The following KCNQ5 variants were observed in gnomAD, a reference collection of about 807,000 sequenced individuals.
KCNQ5 encodes the protein potassium voltage-gated channel subfamily KQT member 5.
KCNQ5 carries 30 observed loss-of-function variants against 98.2 expected under a neutral mutation model. That is an observed-to-expected ratio of 0.31 (90% CI 0.23 to 0.41). The LOEUF is 0.41. Ranked by LOEUF, KCNQ5 falls within the 10% of genes least tolerant of loss-of-function variation. KCNQ5 has a pLI of 1.00. For missense variants in KCNQ5, 835 were observed against 1,182.5 expected (o/e 0.71, Z 4.31); for synonymous variants, 458 against 449.4 (o/e 1.02, Z -0.24).
At chr6:73,032,340 G>A (rs1771188606) in intron 2 of KCNQ5, among the ~76,000 whole-genome samples, 1 of 152,050 alleles carries the variant, frequency 6.6e-6, no homozygotes, top group African/African-American at 2.4e-5. Context: ...GCCAATTTTT[G>A]TATTTTTAGT....
chr6:73,130,997 G>A (rs977928039), intron 9 of KCNQ5, among the ~76,000 whole-genome samples: 4 of 152,098 alleles, frequency 2.6e-5, no homozygotes, highest in African/African-American at 9.7e-5. Context: ...CCATGTAGTT[G>A]AGAAGGACAA....
intron 6 of KCNQ5, among the ~76,000 whole-genome samples, chr6:73,108,953 G>A (rs1775115914): frequency 6.6e-6 from 1 of 152,184 alleles, no homozygotes; most frequent in Non-Finnish European, 1.5e-5. Flanking sequence ...ATTTATTGGT[G>A]TCAGTATTTG....
At chr6:73,129,942 T>A in intron 9 of KCNQ5, 3 of 960,358 alleles carry the variant, frequency 3.1e-6, no homozygotes, top group Non-Finnish European at 1.6e-6. Flanking sequence ...ACCTGAGCCC[T>A]GTTCAGAGAC....
intron 1 of KCNQ5, among the ~76,000 whole-genome samples, chr6:72,692,785 G>A (rs1768277286): frequency 6.6e-6 from 1 of 152,130 alleles, no homozygotes; most frequent in African/African-American, 2.4e-5. Context: ...ATGTAGCAAA[G>A]AGACAAAGTA....
chr6:73,124,293 G>T (rs1013220463), intron 8 of KCNQ5, among the ~76,000 whole-genome samples, 193 bp from the exon 9 acceptor site: 1 of 152,114 alleles, frequency 6.6e-6, no homozygotes, highest in Non-Finnish European at 1.5e-5. Context: ...TGCTATCTCT[G>T]GTCTGTATCA....
At chr6:73,008,644 A>C (rs1220448024) in intron 2 of KCNQ5, among the ~76,000 whole-genome samples, 1 of 152,190 alleles carries the variant, frequency 6.6e-6, no homozygotes, top group Non-Finnish European at 1.5e-5. Flanking sequence ...GGAGAAATGG[A>C]TAGTTCTACA....
At chr6:73,096,574 T>C (rs931291511) in intron 5 of KCNQ5, among the ~76,000 whole-genome samples, 3 of 152,196 alleles carry the variant, frequency 2.0e-5, no homozygotes, top group African/African-American at 7.2e-5. Context: ...GGCCTAGCTT[T>C]AGCATATCTA....
chr6:72,893,299 A>G (rs1779125333), intron 1 of KCNQ5, among the ~76,000 whole-genome samples: 1 of 152,056 alleles, frequency 6.6e-6, no homozygotes, highest in South Asian at 2.1e-4. Flanking sequence ...TTTTTTTAAT[A>G]CTAATTCTAG....
chr6:73,193,182 G>A (rs34963871), intron 13 of KCNQ5, among the ~76,000 whole-genome samples: 27,955 of 151,464 alleles, frequency 0.18, 3,138 homozygotes, highest in Middle Eastern at 0.38. Context: ...CACCAAGACC[G>A]GCGAATTTTT....
chr6:72,930,293 G>A (rs1004944645), intron 1 of KCNQ5, among the ~76,000 whole-genome samples: 4 of 152,056 alleles, frequency 2.6e-5, no homozygotes, highest in Admixed American at 2.6e-4. Flanking sequence ...TTTTTTAAAA[G>A]CAAGTTCATC....
At chr6:72,875,155 A>G (rs927919000) in intron 1 of KCNQ5, among the ~76,000 whole-genome samples, 3 of 152,200 alleles carry the variant, frequency 2.0e-5, no homozygotes, top group Admixed American at 6.5e-5. Flanking sequence ...AATATTGCTC[A>G]AAACTCTTTT....
intron 1 of KCNQ5, among the ~76,000 whole-genome samples, chr6:72,643,983 T>G (rs1765461182): frequency 6.6e-6 from 1 of 152,186 alleles, no homozygotes; most frequent in East Asian, 1.9e-4. Flanking sequence ...ATGAGGTGGA[T>G]ATGTATGACA....
intron 1 of KCNQ5, among the ~76,000 whole-genome samples, chr6:72,886,942 C>T (rs1487278643): frequency 1.3e-5 from 2 of 151,992 alleles, no homozygotes; most frequent in African/African-American, 2.4e-5. Flanking sequence ...AATAAAAAGG[C>T]AAATTGCCCC....
intron 1 of KCNQ5, among the ~76,000 whole-genome samples, chr6:72,710,225 A>G (rs1769294749): frequency 1.3e-5 from 2 of 152,186 alleles, no homozygotes; most frequent in Non-Finnish European, 2.9e-5. Flanking sequence ...TCTGTTAAGA[A>G]CTGAATTGTG....
At chr6:73,183,875 C>G (rs1296925793) in intron 11 of KCNQ5, among the ~76,000 whole-genome samples, 1 of 152,152 alleles carries the variant, frequency 6.6e-6, no homozygotes, top group Non-Finnish European at 1.5e-5. Flanking sequence ...TCCCTCACAC[C>G]TGGTCCTGCT....
intron 1 of KCNQ5, among the ~76,000 whole-genome samples, chr6:72,958,924 T>C (rs1290568753): frequency 6.6e-6 from 1 of 152,196 alleles, no homozygotes; most frequent in African/African-American, 2.4e-5. Context: ...TGCAAAACTT[T>C]ATGGAAGCCT....
chr6:73,004,028 G>A, intron 2 of KCNQ5, 30 bp downstream of exon 2: 8 of 1,308,454 alleles, frequency 6.1e-6, no homozygotes, highest in Non-Finnish European at 8.9e-6. Flanking sequence ...GAACGTACAT[G>A]AATGTTGTAT....
At chr6:73,110,350 C>A (rs1032582083) in intron 6 of KCNQ5, among the ~76,000 whole-genome samples, 1 of 152,128 alleles carries the variant, frequency 6.6e-6, no homozygotes, top group Non-Finnish European at 1.5e-5. Flanking sequence ...GCTCCAAAAG[C>A]CAACCCAAGG....
chr6:72,725,851 A>C (rs1365800132), intron 1 of KCNQ5, among the ~76,000 whole-genome samples: 1 of 152,208 alleles, frequency 6.6e-6, no homozygotes, highest in Non-Finnish European at 1.5e-5. Context: ...CACCAAAGAT[A>C]GTGTCTTTTA....
Sources: allele counts gnomAD v4.1 joint callset (sites outside exome capture counted in the v4.1 genomes callset), GRCh38; gene constraint gnomAD v4.1.1; transcripts MANE v1.5; gene names NCBI Gene and HGNC (gene_info 2026-07-23, HGNC 2026-07-21).